The following HSD17B12 variants were observed in gnomAD, a reference collection of about 807,000 sequenced individuals.
HSD17B12 encodes the protein very-long-chain 3-oxoacyl-CoA reductase.
A neutral mutation model predicts 39.3 loss-of-function variants in HSD17B12; 32 were observed. The observed-to-expected ratio is 0.81, with a 90% confidence interval of 0.61 to 1.09. The LOEUF (loss-of-function observed/expected upper bound fraction) is 1.09, where lower values mean the gene tolerates loss of function less well. HSD17B12 is among the 50% of genes least tolerant of loss of function. HSD17B12 has a pLI of 0.00. For synonymous variants in HSD17B12, 150 were observed against 146.7 expected (o/e 1.02, Z -0.16); for missense variants, 342 against 382.9 (o/e 0.89, Z 0.89).
At chr11:43,846,810 C>T (rs185844541) in intron 9 of HSD17B12, among the ~76,000 whole-genome samples, 11 of 152,340 alleles carry the variant, frequency 7.2e-5, no homozygotes, top group Non-Finnish European at 1.3e-4. Flanking sequence ...GCTGAAGGCA[C>T]ACACACACAA....
the HSD17B12 span, among the ~76,000 whole-genome samples, chr11:43,585,741 A>T: frequency 6.6e-6 from 1 of 152,174 alleles, no homozygotes; most frequent in African/African-American, 2.4e-5. Flanking sequence ...TTTGGGCAAT[A>T]GGGTTGTTGT....
chr11:43,582,800 G>A, the HSD17B12 span, among the ~76,000 whole-genome samples: 1 of 152,148 alleles, frequency 6.6e-6, no homozygotes. Flanking sequence ...GAGAAGGCAC[G>A]GAAGGCGAGC....
chr11:43,640,153 T>G, the HSD17B12 span, among the ~76,000 whole-genome samples: 1 of 151,436 alleles, frequency 6.6e-6, no homozygotes, highest in East Asian at 1.9e-4. Context: ...GAATGGTGGA[T>G]TCATAGAAGA....
rs531213870 is a variant in HSD17B12, at chr11:43,789,353, A to G, written c.284-8967A>G. 2.0e-5 allele frequency among the ~76,000 whole-genome samples: 3 copies of G among 152,330 alleles called. No homozygotes were observed. In the South Asian group the frequency reaches 6.2e-4, roughly 32 times the overall value. On this transcript the variant is annotated intron_variant, in intron 3 of 10. Transcript: ENST00000278353. Reference sequence around the variant, plus strand: ...AGTATGTATTTCTTGAATTTATTCAATCAAAACATTTATTGAGCTCCTATA... The same window carrying G: ...AGTATGTATTTCTTGAATTTATTCAGTCAAAACATTTATTGAGCTCCTATA...
the HSD17B12 span, among the ~76,000 whole-genome samples, chr11:43,610,494 C>CT: frequency 6.6e-6 from 1 of 152,112 alleles, no homozygotes; most frequent in African/African-American, 2.4e-5. Flanking sequence ...TAGAAGGAAG[C>CT]TTAGGGGAGC....
the HSD17B12 span, among the ~76,000 whole-genome samples, chr11:43,650,066 C>G: frequency 1.3e-5 from 2 of 152,052 alleles, no homozygotes; most frequent in East Asian, 3.9e-4. Context: ...CAATTTCTGC[C>G]CCATAAAATC....
At position 43,840,021 on chromosome 11, in the gene HSD17B12, A is replaced by T. The variant is rs530130246; in HGVS notation, c.641A>T (p.Gln214Leu). 2.3e-5 allele frequency: 37 copies of T among 1,612,522 alleles called. 1 individual carries two copies. The Admixed American group carries it at 6.2e-4, about 27-fold the overall frequency. ...CAGACTTTTGTAGATTTCTTCTCTC[A>T]GTGCCTCCATGAGGAGTATAGGAGC... The part of the protein sequence containing the change: ...ATKTFVDFFS[Q>L]CLHEEYRSKG... Residue 214 changes from glutamine to leucine, a missense_variant, in exon 9 of 11, where the codon CAG (glutamine) becomes CTG (leucine). Coordinates refer to ENST00000278353, the MANE Select transcript of HSD17B12 (RefSeq NM_016142.3).
chr11:43,695,646 T>C (rs1949904338), intron 1 of HSD17B12, among the ~76,000 whole-genome samples: 1 of 151,386 alleles, frequency 6.6e-6, no homozygotes, highest in Admixed American at 6.6e-5. Context: ...AAAGAGGCAA[T>C]AGACTGAAGA....
chr11:43,726,395 G>C (rs1950220185), intron 1 of HSD17B12, among the ~76,000 whole-genome samples: 1 of 152,288 alleles, frequency 6.6e-6, no homozygotes, highest in South Asian at 2.1e-4. Context: ...CCCGAGCAAA[G>C]GAAGAAAGGA....
chr11:43,837,114 T>C (rs950826362), intron 7 of HSD17B12, among the ~76,000 whole-genome samples: 7 of 152,272 alleles, frequency 4.6e-5, no homozygotes, highest in African/African-American at 1.7e-4. Flanking sequence ...TTCCCTTTGA[T>C]GGTTGAAGTG....
At chr11:43,690,701 TCTC>T (rs1318951162) in intron 1 of HSD17B12, among the ~76,000 whole-genome samples, 1 of 151,994 alleles carries the variant, frequency 6.6e-6, no homozygotes, top group African/African-American at 2.4e-5. Context: ...AGGACGAAGT[TCTC>T]CTAATACAGA....
rs116166682 is a variant in HSD17B12 at position 43,815,090 on chromosome 11, A to G, written c.392-347A>G. On this transcript the variant is annotated intron_variant, in intron 4 of 10. Coordinates refer to ENST00000278353, the MANE Select transcript of HSD17B12 (RefSeq NM_016142.3). ...TACTCTCCACTCTTTCTACTGCACT[A>G]TGAAAATTTAAGGTCTGGAGAAGAG... is the stretch of plus-strand genomic sequence containing the variant. Among the ~76,000 whole-genome samples, 603 of 152,306 alleles carry G rather than the reference A, an allele frequency of 4.0e-3. 8 individuals carry two copies. Among genetic ancestry groups the G allele is most frequent in the African/African-American group, 0.014 (581 of 41,566 alleles).
chr11:43,787,635 G>A (rs1330309352), intron 3 of HSD17B12, among the ~76,000 whole-genome samples: 1 of 151,850 alleles, frequency 6.6e-6, no homozygotes, highest in Non-Finnish European at 1.5e-5. Flanking sequence ...TTCTTGGGAG[G>A]CTGAGGCAGG....
chr11:43,792,167 A>G (rs562556063), intron 3 of HSD17B12, among the ~76,000 whole-genome samples: 1 of 152,320 alleles, frequency 6.6e-6, no homozygotes, highest in South Asian at 2.1e-4. Flanking sequence ...GGTAAGGCCT[A>G]GGAGTTGTGG....
chr11:43,788,878 T>C (rs1418724206), intron 3 of HSD17B12, among the ~76,000 whole-genome samples: 1 of 152,150 alleles, frequency 6.6e-6, no homozygotes, highest in Non-Finnish European at 1.5e-5. Flanking sequence ...GCTCTGCTAT[T>C]GCCATCTTGA....
chr11:43,654,982 A>G, the HSD17B12 span, among the ~76,000 whole-genome samples: 13 of 152,188 alleles, frequency 8.5e-5, no homozygotes, highest in Non-Finnish European at 1.6e-4. Flanking sequence ...TTGAATCTAT[A>G]AATTACCTTG....
At chr11:43,676,052 T>G (rs1253038357), upstream of HSD17B12, among the ~76,000 whole-genome samples, 4 of 151,900 alleles carry the variant, frequency 2.6e-5, no homozygotes, top group Non-Finnish European at 4.4e-5. Context: ...GCGGAGGTTG[T>G]AGTCAACTGA....
At chr11:43,678,843 T>C (rs1242235782), upstream of HSD17B12, among the ~76,000 whole-genome samples, 1 of 152,216 alleles carries the variant, frequency 6.6e-6, no homozygotes, top group East Asian at 1.9e-4. Flanking sequence ...TGTAGCCTTG[T>C]AGTATAGTTT....
intron 9 of HSD17B12, among the ~76,000 whole-genome samples, chr11:43,849,660 C>T (rs1021341447): frequency 6.6e-6 from 1 of 152,206 alleles, no homozygotes; most frequent in African/African-American, 2.4e-5. Flanking sequence ...CAGGCTCAGC[C>T]TCTATCAGCT....
Sources: allele counts gnomAD v4.1 joint callset (sites outside exome capture counted in the v4.1 genomes callset), GRCh38; gene constraint gnomAD v4.1.1; transcripts MANE v1.5; gene names NCBI Gene and HGNC (gene_info 2026-07-23, HGNC 2026-07-21).